Variants in RPGRIP1L observed in about 807,000 individuals in gnomAD.
The protein encoded by RPGRIP1L is protein fantom.
A neutral mutation model predicts 160.4 loss-of-function variants in RPGRIP1L; 131 were observed. The observed-to-expected ratio is 0.82, with a 90% CI of 0.71 to 0.94. The LOEUF (loss-of-function observed/expected upper bound fraction) is 0.94. Among genes scored for constraint, RPGRIP1L ranks in the 40% least tolerant of loss-of-function variants. RPGRIP1L has a pLI of 0.00. For synonymous variants in RPGRIP1L, 510 were observed against 515.8 expected, an observed-to-expected ratio of 0.99 and a Z score of 0.15; for missense variants, 1,522 against 1,535.8, an observed-to-expected ratio of 0.99 and a Z score of 0.15.
intron 3 of RPGRIP1L, chr16:53,695,575 G>A (rs1023269369): frequency 9.9e-6 from 6 of 606,280 alleles, no homozygotes; most frequent in Admixed American, 5.8e-5. Flanking sequence ...AAGAATGAAA[G>A]AGTATCTACT....
intron 16 of RPGRIP1L, among the ~76,000 whole-genome samples, chr16:53,646,259 A>G (rs1966539769): frequency 6.6e-6 from 1 of 152,208 alleles, no homozygotes; most frequent in Non-Finnish European, 1.5e-5. Context: ...AAATCAAATA[A>G]AACCAAGAAA....
intron 16 of RPGRIP1L, among the ~76,000 whole-genome samples, chr16:53,648,622 G>A (rs111971232): frequency 0.037 from 3,730 of 102,142 alleles, 126 homozygotes; most frequent in African/African-American, 0.11. Context: ...GTGCGCGCGC[G>A]CGCGCACACA....
chr16:53,637,774 T>G lies in RPGRIP1L; in HGVS notation c.3141A>C (p.Leu1047=), dbSNP rs1313737236. ...MQQGKDDVSL[L]SEGQLAEQSL... ...TTTGTTCTGCAAGCTGACCTTCAGA[T>G]AGTAAAGACACATCATCTTTTCCTT... The change falls in exon 21 of 27, where the codon CTA becomes CTC. Residue 1047 remains leucine (L), a synonymous_variant. Transcript: ENST00000647211. The G allele has an allele frequency of 5.0e-6, 8 of 1,613,158 alleles. No individual in the cohort carries two copies. Among genetic ancestry groups the G allele is most frequent in the South Asian group, 4.4e-5 (4 of 91,066 alleles).
chr16:53,648,618 G>GCACACA (rs1304794614), intron 16 of RPGRIP1L, among the ~76,000 whole-genome samples: 8 of 48,162 alleles, frequency 1.7e-4, no homozygotes, highest in African/African-American at 5.3e-4. Flanking sequence ...GCGCGTGCGC[G>GCACACA]CGCGCGCGCA....
intron 22 of RPGRIP1L, among the ~76,000 whole-genome samples, chr16:53,635,229 G>A (rs536681862): frequency 2.2e-4 from 34 of 152,280 alleles, no homozygotes; most frequent in African/African-American, 8.2e-4. Context: ...CAACTTCACT[G>A]AGATGCTAGC....
intron 25 of RPGRIP1L, among the ~76,000 whole-genome samples, chr16:53,608,870 T>C (rs1215421184): frequency 6.6e-6 from 1 of 152,212 alleles, no homozygotes; most frequent in African/African-American, 2.4e-5. Flanking sequence ...ACAATGATAC[T>C]GTTGAGGGAG....
chr16:53,623,016 GAAAC>G (rs916239281), intron 22 of RPGRIP1L, among the ~76,000 whole-genome samples: 2 of 151,700 alleles, frequency 1.3e-5, no homozygotes, highest in Non-Finnish European at 2.9e-5. Context: ...TCAAAACAAA[GAAAC>G]AAACAAAAAA....
In RPGRIP1L at chr16:53,619,073, G is replaced by C; in HGVS notation, c.3568C>G (p.Leu1190Val). ...CACTGCCCACTCTTGGGTTTTGGAA[G>C]TGACACGGGTGTCTCTTCAGCAGGA... ...SLPAEETPVS[L>V]PKPKSGQWVY... Residue 1190 changes from leucine to valine, a missense_variant, in exon 24 of 27, where the codon CTT (leucine) becomes GTT (valine). Transcript: ENST00000647211. 6.2e-7 allele frequency: 1 copy of C among 1,614,120 alleles called. No individual in the cohort carries two copies. Among genetic ancestry groups the C allele is most frequent in the Non-Finnish European group, 8.5e-7 (1 of 1,180,014 alleles).
At chr16:53,702,358 T>C (rs939402247) in intron 1 of RPGRIP1L, among the ~76,000 whole-genome samples, 1 of 152,200 alleles carries the variant, frequency 6.6e-6, no homozygotes, top group South Asian at 2.1e-4. Flanking sequence ...CCATGGATGA[T>C]GCTAAATATC....
intron 10 of RPGRIP1L, among the ~76,000 whole-genome samples, chr16:53,662,068 T>C (rs13336515): frequency 0.064 from 9,745 of 152,210 alleles, 889 homozygotes; most frequent in African/African-American, 0.2. Context: ...AAAAATAACC[T>C]CCTTACCTTA....
At chr16:53,639,748 G>A (rs547427902) in intron 19 of RPGRIP1L, among the ~76,000 whole-genome samples, 121 of 152,144 alleles carry the variant, frequency 8.0e-4, no homozygotes, top group South Asian at 1.7e-3. Flanking sequence ...GTTGTTGTGA[G>A]GATTAAATGA....
chr16:53,628,580 T>C (rs1331577304), intron 22 of RPGRIP1L: 1 of 151,932 alleles, frequency 6.6e-6, no homozygotes, highest in Non-Finnish European at 1.5e-5. Flanking sequence ...TAACTGTTTA[T>C]TTTAACAACT....
At position 53,616,029 on chromosome 16, in the gene RPGRIP1L, A is replaced by G. The variant is rs377529039; in HGVS notation, c.3616+2996T>C. On this transcript the variant is annotated intron_variant, in intron 24 of 26. Transcript: ENST00000647211. Reference sequence around the variant, plus strand: ...ATTTTATGTACCTAATTTGGGCCTGAACATACAAGTCTCTTTTGTACAGAT... The same window carrying G: ...ATTTTATGTACCTAATTTGGGCCTGGACATACAAGTCTCTTTTGTACAGAT... 9.8e-5 allele frequency among the ~76,000 whole-genome samples: 15 copies of G among 152,312 alleles called. No individual in the cohort carries two copies. In the East Asian group the frequency reaches 1.9e-3, roughly 20 times the overall value.
At chr16:53,662,073 ACCT>A (rs1176310607) in intron 10 of RPGRIP1L, among the ~76,000 whole-genome samples, 2 of 152,146 alleles carry the variant, frequency 1.3e-5, no homozygotes, top group Non-Finnish European at 2.9e-5. Flanking sequence ...TAACCTCCTT[ACCT>A]TATGATTTGA....
chr16:53,650,039 A>T (rs1476549422), intron 15 of RPGRIP1L, among the ~76,000 whole-genome samples: 1 of 152,180 alleles, frequency 6.6e-6, no homozygotes, highest in Non-Finnish European at 1.5e-5. Flanking sequence ...CTAATGGATC[A>T]TTCTCATCAG....
intron 25 of RPGRIP1L, among the ~76,000 whole-genome samples, chr16:53,610,145 G>T (rs78313324): frequency 8.6e-4 from 131 of 152,210 alleles, no homozygotes; most frequent in African/African-American, 2.8e-3. Context: ...AAACCAGTTT[G>T]CGGTTAATAA....
intron 14 of RPGRIP1L, among the ~76,000 whole-genome samples, chr16:53,654,714 A>C (rs1186147231): frequency 6.6e-6 from 1 of 152,212 alleles, no homozygotes; most frequent in Non-Finnish European, 1.5e-5. Context: ...GATCATGTTT[A>C]TGGAGTCAAT....
Position 53,703,806 on chromosome 16 carries a change from G to GC in RPGRIP1L, c.-12dup. The GC allele has an allele frequency of 2.6e-6, 1 of 391,110 alleles. No homozygotes were observed. The highest frequency in any genetic ancestry group is 3.6e-5 in the Admixed American group (1 of 27,464). The allele number at this position is 391,110 out of a possible 1,614,324, so 24.2% of individuals were successfully genotyped here. ...CCCCATCCTCCCGGGTACTCACCGT[G>GC]CCACTGGCCCTGCAGCTAGCTACCG... is the stretch of plus-strand genomic sequence containing the variant. On this transcript the variant is annotated 5_prime_UTR_variant, in exon 1 of 27. Transcript: ENST00000647211.
At chr16:53,701,751 G>C (rs1374258858) in intron 1 of RPGRIP1L, 1 of 151,952 alleles carries the variant, frequency 6.6e-6, no homozygotes, top group Non-Finnish European at 1.5e-5. Flanking sequence ...TCATTAAATA[G>C]TTGTTGAGTG....
Sources: allele counts gnomAD v4.1 joint callset (sites outside exome capture counted in the v4.1 genomes callset), GRCh38; gene constraint gnomAD v4.1.1; transcripts MANE v1.5; gene names NCBI Gene and HGNC (gene_info 2026-07-23, HGNC 2026-07-21).